The following SINHCAF variants were observed in gnomAD, a reference collection of about 807,000 sequenced individuals.
SINHCAF encodes SIN3-HDAC complex associated factor, also known as SIN3-HDAC complex-associated factor.
Under a neutral mutation model 25.8 loss-of-function variants are expected in SINHCAF, and 3 were observed. The ratio of observed to expected loss-of-function variants is 0.12; its 90% CI spans 0.05 to 0.30. The LOEUF is 0.30. Ranked by LOEUF, SINHCAF falls within the 10% of genes least tolerant of loss-of-function variation. The pLI, the probability that SINHCAF is intolerant of heterozygous loss-of-function variation, is 1.00. For synonymous variants in SINHCAF, 70 were observed against 85.5 expected (o/e 0.82, Z 1.00); for missense variants, 121 against 262.3 (o/e 0.46, Z 3.72).
chr12:31,291,926 G>A (rs1449085768), intron 4 of SINHCAF, among the ~76,000 whole-genome samples: 2 of 152,162 alleles, frequency 1.3e-5, no homozygotes, highest in African/African-American at 4.8e-5. Context: ...AAAGGTGCCA[G>A]CAATTTATAC....
chr12:31,282,435 C>G lies in SINHCAF; in HGVS notation c.*277G>C, dbSNP rs1937840809. The G allele has an allele frequency of 3.9e-6, 1 of 254,658 alleles. No individual in the cohort carries two copies. Among genetic ancestry groups the G allele is most frequent in the African/African-American group, 2.2e-5 (1 of 44,928 alleles). 15.8% of individuals were successfully genotyped at this position (254,658 alleles called of 1,614,324 possible). ...GAGGGTCATTTAAGACCAGCCTGGC[C>G]AACGTGGTGAAACCCCGTCTCTACT... On this transcript the variant is annotated 3_prime_UTR_variant, in exon 6 of 6. Transcript: ENST00000337682.
intron 1 of SINHCAF, chr12:31,311,760 T>A: frequency 2.0e-6 from 1 of 506,076 alleles, no homozygotes; most frequent in East Asian, 4.6e-5. Flanking sequence ...TGAACATTTC[T>A]GGAGAAAGCC....
At chr12:31,285,377 GTCTC>G (rs144868057) in intron 5 of SINHCAF, among the ~76,000 whole-genome samples, 2 of 148,506 alleles carry the variant, frequency 1.3e-5, no homozygotes, top group Non-Finnish European at 3.0e-5. Context: ...GACAGAGTGA[GTCTC>G]TCTCTCTCAA....
intron 1 of SINHCAF, among the ~76,000 whole-genome samples, chr12:31,300,845 C>CTAA (rs1180673595): frequency 2.6e-5 from 4 of 152,196 alleles, no homozygotes; most frequent in African/African-American, 9.7e-5. Context: ...AACAGTTCCT[C>CTAA]TAATACTCTC....
intron 1 of SINHCAF, among the ~76,000 whole-genome samples, chr12:31,300,460 A>T (rs1289975934): frequency 6.6e-6 from 1 of 152,212 alleles, no homozygotes; most frequent in East Asian, 1.9e-4. Flanking sequence ...TTAGTTGATA[A>T]TAATTTTAGT....
intron 1 of SINHCAF, among the ~76,000 whole-genome samples, chr12:31,299,595 C>T (rs1302080505): frequency 6.6e-6 from 1 of 152,120 alleles, no homozygotes; most frequent in Non-Finnish European, 1.5e-5. Flanking sequence ...GGATTACAGG[C>T]GTGAGCCACC....
chr12:31,294,808 T>C (rs1023191864), intron 3 of SINHCAF, among the ~76,000 whole-genome samples: 2 of 152,196 alleles, frequency 1.3e-5, no homozygotes, highest in Non-Finnish European at 2.9e-5. Flanking sequence ...TGAATAAATA[T>C]AACCTGCCCA....
At chr12:31,289,280 C>T (rs558236564) in intron 4 of SINHCAF, among the ~76,000 whole-genome samples, 2 of 152,132 alleles carry the variant, frequency 1.3e-5, no homozygotes, top group South Asian at 2.1e-4. Context: ...TGAAATTTGG[C>T]GAGACATAAA....
At chr12:31,323,218 A>G (rs1939774629) in intron 1 of SINHCAF, among the ~76,000 whole-genome samples, 1 of 152,222 alleles carries the variant, frequency 6.6e-6, no homozygotes, top group South Asian at 2.1e-4. Flanking sequence ...AAATCATTAT[A>G]TAAATACTTT....
chr12:31,319,930 AC>A (rs1325454643), intron 1 of SINHCAF, among the ~76,000 whole-genome samples: 1 of 152,176 alleles, frequency 6.6e-6, no homozygotes, highest in East Asian at 1.9e-4. Context: ...TCACACAAAA[AC>A]AACTTGGAAG....
chr12:31,291,136 C>A (rs892797787), intron 4 of SINHCAF, among the ~76,000 whole-genome samples: 9 of 152,192 alleles, frequency 5.9e-5, no homozygotes, highest in Middle Eastern at 3.4e-3. Context: ...GCTGTGGAAG[C>A]CAAAAACACT....
At chr12:31,296,303 C>A (rs1457248920) in intron 2 of SINHCAF, among the ~76,000 whole-genome samples, 1 of 151,914 alleles carries the variant, frequency 6.6e-6, no homozygotes, top group Non-Finnish European at 1.5e-5. Flanking sequence ...GTAGCTGGGA[C>A]CACAGGCACG....
chr12:31,283,437 T>C (rs1937890057), intron 5 of SINHCAF, among the ~76,000 whole-genome samples: 1 of 151,978 alleles, frequency 6.6e-6, no homozygotes, highest in Non-Finnish European at 1.5e-5. Context: ...ACCCCATCTC[T>C]ACTAAAAATG....
intron 5 of SINHCAF, among the ~76,000 whole-genome samples, chr12:31,286,448 G>A (rs1433938140): frequency 6.6e-6 from 1 of 151,984 alleles, no homozygotes; most frequent in Non-Finnish European, 1.5e-5. Flanking sequence ...GATCACCTAA[G>A]GTCAGGAGTT....
intron 5 of SINHCAF, among the ~76,000 whole-genome samples, chr12:31,283,950 T>C (rs550227964): frequency 1.6e-4 from 25 of 152,254 alleles, no homozygotes; most frequent in Admixed American, 1.6e-3. Context: ...CATATTGTTA[T>C]AGAGCTTTAT....
intron 1 of SINHCAF, among the ~76,000 whole-genome samples, chr12:31,302,276 A>T (rs2043374717): frequency 6.6e-6 from 1 of 152,094 alleles, no homozygotes; most frequent in South Asian, 2.1e-4. Context: ...GTATGGTTGC[A>T]AAATTCTGAG....
intron 2 of SINHCAF, among the ~76,000 whole-genome samples, chr12:31,297,467 A>ATTTTTTTTTTTTTTTTTT (rs777087270): frequency 9.7e-6 from 1 of 103,424 alleles, no homozygotes; most frequent in African/African-American, 3.8e-5. Flanking sequence ...GTCAAGCGTA[A>ATTTTTTTTTTTTTTTTTT]TTTTTTTTTT....
At chr12:31,311,051 G>A (rs909666391) in intron 1 of SINHCAF, among the ~76,000 whole-genome samples, 9 of 152,102 alleles carry the variant, frequency 5.9e-5, no homozygotes, top group South Asian at 2.1e-4. Flanking sequence ...TGTATTTTTA[G>A]TAGAGATGGG....
rs1396037031 is a variant in SINHCAF at position 31,325,260 on chromosome 12, G to A, written c.-21+764C>T. 1 of 456,644 alleles carries A rather than the reference G, an allele frequency of 2.2e-6. No homozygotes were observed. 28.3% of individuals were successfully genotyped at this position (456,644 alleles called of 1,614,324 possible). On this transcript the variant is annotated intron_variant, in intron 1 of 5. Transcript: ENST00000337682. This position sits in a 1 kb window ranked among gnomAD's most constrained non-coding sequence, Gnocchi z 5.9. ...AACTTCGGGCTCCGAAAGCACCCCG[G>A]ACACCAGAGGCTCTTGGGCGCGGTC...
Sources: gnomAD v4.1 joint callset for allele counts (sites outside exome capture counted in the v4.1 genomes callset) on GRCh38, gnomAD v4.1.1 for gene constraint, Gnocchi (gnomAD v3.1) non-coding constraint, MANE v1.5 for transcripts, NCBI Gene and HGNC (gene_info 2026-07-23, HGNC 2026-07-21) for gene names.